Variants in IQSEC3 observed in about 807,000 individuals in gnomAD.
IQSEC3 encodes the protein IQ motif and SEC7 domain-containing protein 3.
In IQSEC3, 50 loss-of-function variants were observed where a neutral mutation model predicts 105.4. That is an observed-to-expected ratio of 0.47 (90% CI 0.38 to 0.60). The LOEUF (loss-of-function observed/expected upper bound fraction) is 0.60, where lower values mean the gene tolerates loss of function less well. Among genes scored for constraint, IQSEC3 ranks in the 20% least tolerant of loss-of-function variants. The pLI is 0.00. For synonymous variants in IQSEC3, 708 were observed against 746.0 expected, an observed-to-expected ratio of 0.95 and a Z score of 0.83; for missense variants, 1,415 against 1,630.0, an observed-to-expected ratio of 0.87 and a Z score of 2.27.
intron 1 of IQSEC3, among the ~76,000 whole-genome samples, chr12:96,089 AG>A (rs782286798): frequency 6.6e-6 from 1 of 152,178 alleles, no homozygotes; most frequent in Non-Finnish European, 1.5e-5. Context: ...TATACGTTTT[AG>A]GGGGACATGA....
At chr12:133,190 C>T (rs560545563) in intron 3 of IQSEC3, among the ~76,000 whole-genome samples, 2 of 152,320 alleles carry the variant, frequency 1.3e-5, no homozygotes, top group South Asian at 4.1e-4. Flanking sequence ...GACACAGCTC[C>T]CTTCTTAATT....
chr12:128,020 C>T (rs59167237), intron 3 of IQSEC3, among the ~76,000 whole-genome samples: 12,868 of 152,246 alleles, frequency 0.085, 575 homozygotes, highest in East Asian at 0.12. Context: ...CAGCTGCCTC[C>T]TATGTCTGGG....
chr12:109,442 A>G (rs913701693), intron 2 of IQSEC3, among the ~76,000 whole-genome samples: 3 of 152,176 alleles, frequency 2.0e-5, no homozygotes, highest in Non-Finnish European at 4.4e-5. Flanking sequence ...TGGTGGACTC[A>G]CAGCCTCTCA....
At chr12:117,899 A>T (rs1865101067) in intron 2 of IQSEC3, among the ~76,000 whole-genome samples, 1 of 152,064 alleles carries the variant, frequency 6.6e-6, no homozygotes, top group African/African-American at 2.4e-5. Flanking sequence ...ATGGCAGGGG[A>T]GGCTTATGCT....
chr12:155,446 G>A (rs142594253), intron 5 of IQSEC3, among the ~76,000 whole-genome samples: 15 of 152,344 alleles, frequency 9.8e-5, no homozygotes, highest in African/African-American at 3.6e-4. Context: ...AAGGAAAGAG[G>A]AGGAGAGACT....
At chr12:161,672 A>G (rs1339167079) in intron 7 of IQSEC3, among the ~76,000 whole-genome samples, 3 of 152,148 alleles carry the variant, frequency 2.0e-5, no homozygotes, top group Non-Finnish European at 4.4e-5. Flanking sequence ...GTGGGCGTGA[A>G]GACTCTGGTT....
Position 176,617 on chromosome 12 carries a change from G to C in IQSEC3, c.*1584G>C, listed in dbSNP as rs530794499. On this transcript the variant is annotated 3_prime_UTR_variant, in exon 14 of 14. Coordinates refer to ENST00000538872, the MANE Select transcript of IQSEC3 (RefSeq NM_001170738.2). The surrounding 1 kb of genome is among the most constrained non-coding windows in gnomAD (Gnocchi z 4.0). ...CAGAGGTTCCAGATGACCTAGTTTCGTTTTGTGTGTGTGTGTGTGTGGTCA... is the reference window on the plus strand; with the variant it reads ...CAGAGGTTCCAGATGACCTAGTTTCCTTTTGTGTGTGTGTGTGTGTGGTCA... 1 of 151,486 alleles carries C rather than the reference G, an allele frequency of 6.6e-6. No homozygotes were observed. The highest frequency in any genetic ancestry group is 1.5e-5 in the Non-Finnish European group (1 of 68,044). The allele number at this position is 151,486 out of a possible 1,614,324, so 9.4% of individuals were successfully genotyped here. A position where few individuals can be genotyped will look rare whatever the true frequency, so the allele number is the denominator to read the frequency against.
chr12:83,739 T>A (rs1331463904), intron 1 of IQSEC3, among the ~76,000 whole-genome samples: 8 of 151,510 alleles, frequency 5.3e-5, no homozygotes, highest in African/African-American at 1.5e-4. Context: ...AATGATGTGA[T>A]CCACACTAGA....
At chr12:124,337 C>G (rs1865311929) in intron 2 of IQSEC3, among the ~76,000 whole-genome samples, 1 of 134,762 alleles carries the variant, frequency 7.4e-6, no homozygotes. Flanking sequence ...TGCAGTGAGC[C>G]AAGATCTCAC....
At position 162,028 on chromosome 12, in the gene IQSEC3, T is replaced by C; in HGVS notation, c.2546T>C (p.Val849Ala). 1.9e-6 allele frequency: 3 copies of C among 1,613,818 alleles called. No homozygotes were observed. Among genetic ancestry groups the C allele is most frequent in the South Asian group, 1.1e-5 (1 of 91,074 alleles). ...LKSNEDHVTY[V>A]TKVEKSIVGM... Reference sequence around the variant, plus strand: ...TCCAATGAGGACCACGTCACGTACGTCACCAAGGTGGAGAAGTCCATTGTG... The same window carrying C: ...TCCAATGAGGACCACGTCACGTACGCCACCAAGGTGGAGAAGTCCATTGTG... The change falls in exon 8 of 14, where the codon GTC becomes GCC. Residue 849 changes from valine (V) to alanine (A), a missense_variant. Coordinates refer to ENST00000538872, the MANE Select transcript of IQSEC3 (RefSeq NM_001170738.2).
chr12:160,915 C>T (rs1272548294), intron 7 of IQSEC3, among the ~76,000 whole-genome samples: 1 of 152,152 alleles, frequency 6.6e-6, no homozygotes, highest in Non-Finnish European at 1.5e-5. Context: ...TTCCTTTCTC[C>T]CGAGTATTCA....
intron 1 of IQSEC3, among the ~76,000 whole-genome samples, chr12:92,347 C>T (rs1864113794): frequency 6.6e-6 from 1 of 152,188 alleles, no homozygotes; most frequent in Non-Finnish European, 1.5e-5. Flanking sequence ...CCTTCGGCCC[C>T]TCCAGCCGCA....
In IQSEC3 at chr12:138,510, C is replaced by T; in HGVS notation, c.1147C>T (p.Arg383Cys). The T allele has an allele frequency of 1.9e-6, 3 of 1,581,826 alleles. No homozygotes were observed. The highest frequency in any genetic ancestry group is 2.6e-6 in the Non-Finnish European group (3 of 1,170,454). ...GYGLVGLPLVRSPSLPPTFAG... is the reference protein window; with the variant it reads ...GYGLVGLPLVCSPSLPPTFAG... ...CGGCCTCGTGGGGCTGCCGCTGGTG[C>T]GCTCGCCCTCCCTGCCGCCCACCTT... is the stretch of plus-strand genomic sequence containing the variant. The change falls in exon 4 of 14, where the codon CGC becomes TGC. Residue 383 changes from arginine to cysteine, a missense_variant. Physicochemically the swap from Arg to Cys is radical, Grantham distance 180. This residue lies in a region of IQSEC3 where 720 missense variants were observed against 633.0 expected (regional missense o/e 1.14). Transcript: ENST00000538872. The surrounding 1 kb of genome is among the most constrained non-coding windows in gnomAD (Gnocchi z 7.1).
chr12:127,409 C>T (rs542565023), intron 3 of IQSEC3, among the ~76,000 whole-genome samples: 79 of 152,284 alleles, frequency 5.2e-4, no homozygotes, highest in Non-Finnish European at 7.4e-5. Flanking sequence ...ATCCCAGCTA[C>T]TCAGGAGGCT....
chr12:142,564 C>G (rs1866074277), intron 5 of IQSEC3: 2 of 152,278 alleles, frequency 1.3e-5, no homozygotes, highest in Admixed American at 1.3e-4. Flanking sequence ...GAGTTCCTGT[C>G]CCTGACTCTT....
chr12:137,132 GGGAC>G (rs1555086646), intron 3 of IQSEC3, among the ~76,000 whole-genome samples: 2 of 151,806 alleles, frequency 1.3e-5, no homozygotes, highest in African/African-American at 2.4e-5. Flanking sequence ...GTGGCCTGGA[GGGAC>G]CCCCATTCTT....
chr12:97,490 T>C (rs1363212530), intron 1 of IQSEC3, among the ~76,000 whole-genome samples: 1 of 152,234 alleles, frequency 6.6e-6, no homozygotes, highest in African/African-American at 2.4e-5. Flanking sequence ...TTTAAACATA[T>C]AACCTTTCTG....
intron 1 of IQSEC3, among the ~76,000 whole-genome samples, chr12:90,568 T>C (rs1418639957): frequency 6.7e-6 from 1 of 149,596 alleles, no homozygotes; most frequent in Non-Finnish European, 1.5e-5. Context: ...TTCAGCACTA[T>C]CTGTTAAAAA....
chr12:104,245 T>A (rs901546138), intron 2 of IQSEC3, among the ~76,000 whole-genome samples: 7 of 152,130 alleles, frequency 4.6e-5, no homozygotes, highest in African/African-American at 1.4e-4. Context: ...GCTAATTATT[T>A]CTGGAGCTGG....
Sources: allele counts gnomAD v4.1 joint callset (sites outside exome capture counted in the v4.1 genomes callset), GRCh38; gene constraint gnomAD v4.1.1; regional missense constraint gnomAD v4.1.1; non-coding constraint Gnocchi (gnomAD v3.1); transcripts MANE v1.5; gene names NCBI Gene and HGNC (gene_info 2026-07-23, HGNC 2026-07-21).